The following PCDHA1 variants were observed in gnomAD, a reference collection of about 807,000 sequenced individuals.
PCDHA1 encodes the protein protocadherin alpha 1.
In PCDHA1, 42 loss-of-function variants were observed where a neutral mutation model predicts 61.3. The observed-to-expected ratio is 0.69, with a 90% CI of 0.54 to 0.89. The LOEUF is 0.89. PCDHA1 is among the 40% of genes least tolerant of loss of function. The pLI, the probability that PCDHA1 is intolerant of heterozygous loss-of-function variation, is 0.00. For missense variants in PCDHA1, 1,256 were observed against 1,235.3 expected (o/e 1.02, Z -0.25); for synonymous variants, 610 against 553.8 (o/e 1.10, Z -1.43).
At chr5:140,967,936 T>G in intron 1 of PCDHA1, 1 of 1,614,226 alleles carries the variant, frequency 6.2e-7, no homozygotes, top group Non-Finnish European at 8.5e-7. Flanking sequence ...TCAGTGTCAA[T>G]GACCAAGACT....
chr5:140,869,082 T>C (rs1554162459), intron 1 of PCDHA1: 1 of 1,582,446 alleles, frequency 6.3e-7, no homozygotes, highest in East Asian at 2.2e-5. Flanking sequence ...GAAGCTTATT[T>C]TGGAAGCCAA....
chr5:140,967,361 C>G (rs1323729968), intron 1 of PCDHA1: 9 of 1,607,256 alleles, frequency 5.6e-6, no homozygotes, highest in African/African-American at 1.3e-5. Context: ...GGACCTTAAG[C>G]CCCTGCAGGA....
At chr5:140,967,978 G>A in intron 1 of PCDHA1, 5 of 1,614,206 alleles carry the variant, frequency 3.1e-6, no homozygotes, top group Non-Finnish European at 3.4e-6. Flanking sequence ...GCCTGGGTCT[G>A]GAGGCCACAC....
rs1305231081 is a variant in PCDHA1 at position 141,010,857 on chromosome 5, G to A, written c.*920G>A. The A allele has an allele frequency of 6.5e-6, 1 of 153,732 alleles. No homozygotes were observed. The highest frequency in any genetic ancestry group is 2.4e-5 in the African/African-American group (1 of 41,448). 9.5% of individuals were successfully genotyped at this position (153,732 alleles called of 1,614,324 possible). ...ATAGATTTATTTAAAAAAAGAGAAAGTCTATAGCTATAAATCTTTAAAGAG... is the reference window on the plus strand; with the variant it reads ...ATAGATTTATTTAAAAAAAGAGAAAATCTATAGCTATAAATCTTTAAAGAG... On this transcript the variant is annotated 3_prime_UTR_variant, in exon 4 of 4. Transcript: ENST00000504120.
At chr5:141,003,515 G>T (rs1402480495) in intron 3 of PCDHA1, among the ~76,000 whole-genome samples, 1 of 152,114 alleles carries the variant, frequency 6.6e-6, no homozygotes, top group African/African-American at 2.4e-5. Context: ...GTTTCACCAT[G>T]TTCCCTAGGC....
Position 140,829,163 on chromosome 5 carries a change from C to T in PCDHA1, c.2394+40479C>T, listed in dbSNP as rs1371458917. The T allele has an allele frequency of 5.0e-6, 8 of 1,613,906 alleles. No individual in the cohort carries two copies. The East Asian group carries it at 1.8e-4, about 36-fold the overall frequency. On this transcript the variant is annotated intron_variant, in intron 1 of 3. Coordinates refer to ENST00000504120, the MANE Select transcript of PCDHA1 (RefSeq NM_018900.4). ...GATAGCACTGACTTCCTTATCCTTG[C>T]CTGTACGTGAAGACGCTCAATTTGG... is the stretch of plus-strand genomic sequence containing the variant.
At chr5:140,808,135 T>C in intron 1 of PCDHA1, 1 of 1,614,028 alleles carries the variant, frequency 6.2e-7, no homozygotes, top group Non-Finnish European at 8.5e-7. Flanking sequence ...GCAAATCCTA[T>C]GAAATTATTG....
At chr5:140,919,406 T>C (rs1325443914) in intron 1 of PCDHA1, among the ~76,000 whole-genome samples, 1 of 152,254 alleles carries the variant, frequency 6.6e-6, no homozygotes, top group East Asian at 1.9e-4. Flanking sequence ...CTAAAAACTC[T>C]AGACTGACAA....
intron 1 of PCDHA1, chr5:140,801,322 G>A: frequency 1.2e-6 from 2 of 1,613,322 alleles, no homozygotes; most frequent in Non-Finnish European, 1.7e-6. Flanking sequence ...GCCAAGCATG[G>A]CACCTTCGTG....
intron 1 of PCDHA1, chr5:140,867,240 G>C (rs538392641): frequency 6.6e-6 from 1 of 152,186 alleles, no homozygotes; most frequent in African/African-American, 2.4e-5. Context: ...TAAGGTGATT[G>C]AGGATCTGTT....
At chr5:140,887,396 C>T (rs2153420229) in intron 1 of PCDHA1, among the ~76,000 whole-genome samples, 1 of 152,174 alleles carries the variant, frequency 6.6e-6, no homozygotes, top group Non-Finnish European at 1.5e-5. Flanking sequence ...GCGCCCGGCT[C>T]TTTATCTCAT....
intron 1 of PCDHA1, among the ~76,000 whole-genome samples, chr5:140,912,892 A>T (rs1554195590): frequency 2.0e-5 from 3 of 152,210 alleles, no homozygotes. Context: ...TTCTGTTGAT[A>T]TGATGTATCA....
chr5:140,992,342 T>C (rs2097506091), intron 3 of PCDHA1, among the ~76,000 whole-genome samples: 1 of 152,102 alleles, frequency 6.6e-6, no homozygotes. Flanking sequence ...AAGATGGAAA[T>C]GTGGAGAGAG....
chr5:140,869,072 G>T, intron 1 of PCDHA1: 4 of 1,574,396 alleles, frequency 2.5e-6, no homozygotes, highest in Non-Finnish European at 2.6e-6. Flanking sequence ...TAAGTGTAAA[G>T]AAGCTTATTT....
At position 140,788,603 on chromosome 5, in the gene PCDHA1, C is replaced by G; in HGVS notation, c.2313C>G (p.Ala771=). 1 of 1,614,144 alleles carries G rather than the reference C, an allele frequency of 6.2e-7. No individual in the cohort carries two copies. Among genetic ancestry groups the G allele is most frequent in the Non-Finnish European group, 8.5e-7 (1 of 1,179,982 alleles). The part of the protein sequence containing the change: ...SEGPPKTDLM[A]FSPGLSPSLN... ...GCCCACCCAAGACCGACCTCATGGC[C>G]TTCAGCCCAGGCCTATCTCCAAGTC... The change falls in exon 1 of 4, where the codon GCC becomes GCG. Residue 771 remains alanine (A), a synonymous_variant. Transcript: ENST00000504120.
chr5:140,847,895 A>G (rs1554141940), intron 1 of PCDHA1: 1 of 149,664 alleles, frequency 6.7e-6, no homozygotes, highest in African/African-American at 2.5e-5. Context: ...CTTTTTCATC[A>G]GTAGATTTCT....
chr5:140,977,032 A>G (rs1488885995), intron 1 of PCDHA1, among the ~76,000 whole-genome samples: 3 of 152,212 alleles, frequency 2.0e-5, no homozygotes, highest in African/African-American at 7.2e-5. Flanking sequence ...TGAATCTAAG[A>G]AGGATGTTGT....
At chr5:140,891,838 A>G (rs1479578181) in intron 1 of PCDHA1, among the ~76,000 whole-genome samples, 1 of 152,164 alleles carries the variant, frequency 6.6e-6, no homozygotes, top group African/African-American at 2.4e-5. Context: ...AAAGGACTTG[A>G]TGGAAGGAGC....
chr5:140,788,226 C>A lies in PCDHA1; in HGVS notation c.1936C>A (p.Arg646Ser). The A allele has an allele frequency of 1.9e-6, 3 of 1,614,060 alleles. No individual in the cohort carries two copies. The highest frequency in any genetic ancestry group is 1.7e-6 in the Non-Finnish European group (2 of 1,179,944). ...GGACGAGGCTGACTTGTCGCGCTAC[C>A]GCCTTCTGGTGCTAGTGAAGGATCA... ...VLDEADLSRY[R>S]LLVLVKDHGE... Residue 646 changes from arginine to serine, a missense_variant, in exon 1 of 4, where the codon CGC becomes AGC. Coordinates refer to ENST00000504120, the MANE Select transcript of PCDHA1 (RefSeq NM_018900.4).
Sources: gnomAD v4.1 joint callset for allele counts (sites outside exome capture counted in the v4.1 genomes callset) on GRCh38, gnomAD v4.1.1 for gene constraint, MANE v1.5 for transcripts, NCBI Gene and HGNC (gene_info 2026-07-23, HGNC 2026-07-21) for gene names.